Variants in EXD3 observed in about 807,000 individuals in gnomAD.
EXD3 encodes exonuclease 3'-5' domain containing 3, also known as exonuclease mut-7 homolog.
Under a neutral mutation model 98.0 loss-of-function variants are expected in EXD3, and 92 were observed. The observed-to-expected ratio is 0.94, with a 90% CI of 0.79 to 1.12. The LOEUF is 1.12. EXD3 is among the 50% of genes most tolerant of loss of function. The pLI is 0.00. For missense variants in EXD3, 1,222 were observed against 1,191.6 expected (o/e 1.03, Z -0.38); for synonymous variants, 569 against 526.0 (o/e 1.08, Z -1.12).
chr9:137,340,402 G>A (rs957244008), intron 17 of EXD3, among the ~76,000 whole-genome samples: 2 of 152,002 alleles, frequency 1.3e-5, no homozygotes, highest in African/African-American at 4.8e-5. Flanking sequence ...ACTTGAATCC[G>A]GGAGGCAGAG....
intron 3 of EXD3, among the ~76,000 whole-genome samples, chr9:137,381,492 A>G (rs543458583): frequency 3.5e-4 from 53 of 151,034 alleles, no homozygotes; most frequent in African/African-American, 1.1e-3. Context: ...GAAGGGCCCA[A>G]TGAACCAGGG....
At chr9:137,362,362 A>C (rs557739066) in intron 7 of EXD3, among the ~76,000 whole-genome samples, 2 of 152,380 alleles carry the variant, frequency 1.3e-5, no homozygotes, top group African/African-American at 4.8e-5. Flanking sequence ...ACATAGAAAC[A>C]TTAAATGGTG....
rs146233780 is a variant in EXD3, at chr9:137,371,541, C to T, written c.462+1364G>A. Among the ~76,000 whole-genome samples the T allele has an allele frequency of 5.6e-3, 846 of 152,178 alleles. 4 individuals are homozygous for T. The highest frequency in any genetic ancestry group is 0.019 in the African/African-American group (784 of 41,532). On this transcript the variant is annotated intron_variant, in intron 5 of 21. Coordinates refer to ENST00000340951, the MANE Select transcript of EXD3 (RefSeq NM_017820.5). The surrounding 1 kb of genome is among the most constrained non-coding windows in gnomAD (Gnocchi z 8.0). Reference sequence around the variant, plus strand: ...ACGGCGTCTCAGCAGCAGGGTCCCACGTGGGCAGGCAGCGGGGTGGTGGCC... The same window carrying T: ...ACGGCGTCTCAGCAGCAGGGTCCCATGTGGGCAGGCAGCGGGGTGGTGGCC...
intron 2 of EXD3, among the ~76,000 whole-genome samples, chr9:137,384,889 C>T (rs866753893): frequency 1.3e-5 from 2 of 151,884 alleles, no homozygotes; most frequent in East Asian, 1.9e-4. Flanking sequence ...GTCAGGAGTT[C>T]GAGACCAGCC....
intron 1 of EXD3, among the ~76,000 whole-genome samples, chr9:137,406,652 G>T (rs1266281563): frequency 6.6e-6 from 1 of 152,176 alleles, no homozygotes; most frequent in Non-Finnish European, 1.5e-5. Context: ...ATGAGCAAAT[G>T]AATAAAGGCA....
At chr9:137,310,648 C>T (rs1831310363) in intron 19 of EXD3, among the ~76,000 whole-genome samples, 2 of 152,170 alleles carry the variant, frequency 1.3e-5, no homozygotes, top group Non-Finnish European at 2.9e-5. Flanking sequence ...GCGGGGTGCA[C>T]GGCCTTCCCA....
Position 137,307,593 on chromosome 9 carries a change from G to T in EXD3, c.2317+15C>A. ...AGAAGCAGCTGTGTCCTTGGTGGGC[G>T]GTCCCGGGGCTCACCTGGCTCCTGC... On this transcript the variant is annotated intron_variant, in intron 21 of 21. Transcript: ENST00000340951. 1.2e-6 allele frequency: 2 copies of T among 1,609,272 alleles called. No individual in the cohort carries two copies. The highest frequency in any genetic ancestry group is 1.7e-6 in the Non-Finnish European group (2 of 1,179,492).
intron 2 of EXD3, among the ~76,000 whole-genome samples, chr9:137,394,620 C>G (rs139164366): frequency 6.6e-6 from 1 of 152,116 alleles, no homozygotes; most frequent in Non-Finnish European, 1.5e-5. Context: ...TGCAGGGTCT[C>G]GATCTGTAGG....
intron 2 of EXD3, among the ~76,000 whole-genome samples, chr9:137,383,686 T>C (rs1368409271): frequency 6.6e-6 from 1 of 152,240 alleles, no homozygotes; most frequent in Non-Finnish European, 1.5e-5. Context: ...GCAGCCCTCG[T>C]GGGCCTGAGC....
intron 7 of EXD3, among the ~76,000 whole-genome samples, chr9:137,358,481 G>A (rs1456658074): frequency 1.3e-5 from 2 of 152,122 alleles, no homozygotes; most frequent in Admixed American, 6.6e-5. Context: ...CGGGGGCTCC[G>A]AAGCCAACTG....
At chr9:137,351,268 C>T (rs781245978) in intron 13 of EXD3, 50 bp downstream of exon 13, 66 of 1,564,760 alleles carry the variant, frequency 4.2e-5, no homozygotes, top group South Asian at 2.1e-4. Context: ...GGCAGGGGTG[C>T]GGGCTGCTTT....
At chr9:137,389,017 G>A (rs1229057351) in intron 2 of EXD3, among the ~76,000 whole-genome samples, 3 of 152,168 alleles carry the variant, frequency 2.0e-5, no homozygotes, top group South Asian at 4.1e-4. Flanking sequence ...GGCGTGTCCT[G>A]AGAGGCCACG....
intron 17 of EXD3, among the ~76,000 whole-genome samples, chr9:137,343,713 C>T (rs1250456460): frequency 1.3e-5 from 2 of 148,366 alleles, no homozygotes; most frequent in Admixed American, 1.4e-4. Context: ...CTCAGCCTCC[C>T]GAGTAGCTGG....
intron 1 of EXD3, among the ~76,000 whole-genome samples, chr9:137,396,187 C>T (rs1463589246): frequency 2.0e-5 from 3 of 152,080 alleles, no homozygotes; most frequent in South Asian, 2.1e-4. Context: ...AGGCTGGTAT[C>T]GAACTCCTGA....
intron 7 of EXD3, among the ~76,000 whole-genome samples, chr9:137,356,841 A>G (rs1188462689): frequency 1.3e-5 from 2 of 152,056 alleles, no homozygotes; most frequent in Non-Finnish European, 2.9e-5. Context: ...CTGCCCCTCC[A>G]GCCACTCTCT....
At chr9:137,382,031 A>T (rs1389195146) in intron 3 of EXD3, among the ~76,000 whole-genome samples, 9 of 131,308 alleles carry the variant, frequency 6.9e-5, no homozygotes, top group Non-Finnish European at 1.3e-4. Flanking sequence ...GGAGGAGGTG[A>T]GGGCGCGGGG....
intron 17 of EXD3, among the ~76,000 whole-genome samples, chr9:137,332,660 A>ATG (rs1564484365): frequency 5.2e-4 from 79 of 151,820 alleles, no homozygotes; most frequent in African/African-American, 1.7e-3. Context: ...TGGCTAAAAC[A>ATG]GTGAAACCCC....
intron 1 of EXD3, among the ~76,000 whole-genome samples, chr9:137,419,157 G>T (rs60184240): frequency 0.018 from 2,791 of 152,090 alleles, 76 homozygotes; most frequent in African/African-American, 0.063. Context: ...GAGTTATATT[G>T]GTATAAATGT....
intron 1 of EXD3, among the ~76,000 whole-genome samples, chr9:137,406,308 G>C (rs1038627299): frequency 1.3e-5 from 2 of 150,030 alleles, no homozygotes; most frequent in South Asian, 4.2e-4. Context: ...AAAAGAAAAA[G>C]AAAAGAAAAA....
Sources: allele counts gnomAD v4.1 joint callset (sites outside exome capture counted in the v4.1 genomes callset), GRCh38; gene constraint gnomAD v4.1.1; non-coding constraint Gnocchi (gnomAD v3.1); transcripts MANE v1.5; gene names NCBI Gene and HGNC (gene_info 2026-07-23, HGNC 2026-07-21).